The following DFFA variants were observed in gnomAD, a reference collection of about 807,000 sequenced individuals.
DFFA encodes DFF45.
A neutral mutation model predicts 28.0 loss-of-function variants in DFFA; 14 were observed. The observed-to-expected ratio is 0.50, with a 90% CI of 0.33 to 0.78. The LOEUF (loss-of-function observed/expected upper bound fraction) is 0.78. Ranked by LOEUF, DFFA falls within the 30% of genes least tolerant of loss-of-function variation. DFFA has a pLI of 0.02. For synonymous variants in DFFA, 158 were observed against 170.3 expected, an observed-to-expected ratio of 0.93 and a Z score of 0.56; for missense variants, 395 against 407.1, an observed-to-expected ratio of 0.97 and a Z score of 0.26.
chr1:10,461,871 T>C (rs1042535443), intron 5 of DFFA, 169 bp from the exon 6 acceptor site: 20 of 985,336 alleles, frequency 2.0e-5, no homozygotes, highest in Non-Finnish European at 2.4e-5. Flanking sequence ...TTTTTGTTTT[T>C]TGAGACGGAG....
intron 2 of DFFA, among the ~76,000 whole-genome samples, chr1:10,468,257 T>C (rs1158409030): frequency 6.6e-6 from 1 of 152,056 alleles, no homozygotes; most frequent in Non-Finnish European, 1.5e-5. Flanking sequence ...GTAACAATTA[T>C]TGAGTCCTTA....
rs34597195 is a variant in DFFA at position 10,466,952 on chromosome 1, C to CAAA, written c.441+235_441+237dup. The stretch of plus-strand genomic sequence containing the variant: ...TGGGCGACAGAGTAAGACTGTGTCT[C>CAAA]AAAAAAAAAAAAAAAAAAAAAAAAA... On this transcript the variant is annotated intron_variant, in intron 3 of 5. Transcript: ENST00000377038. Among the ~76,000 whole-genome samples, 104 of 32,730 alleles carry CAAA rather than the reference C, an allele frequency of 3.2e-3. 9 individuals are homozygous for CAAA. The highest frequency in any genetic ancestry group is 7.9e-3 in the African/African-American group (99 of 12,470). The allele number at this position is 32,730 out of a possible 152,430, so 21.5% of individuals were successfully genotyped here.
rs541804983 is a variant in DFFA, at chr1:10,459,279, G to C, written c.*2211C>G. On this transcript the variant is annotated 3_prime_UTR_variant, in exon 6 of 6. Coordinates refer to ENST00000377038, the MANE Select transcript of DFFA (RefSeq NM_004401.3). ...TGACTCATCACCTTTTCCCTGCAAG[G>C]AGTGTACTGTAGATTACCAAACCTG... is the stretch of plus-strand genomic sequence containing the variant. The C allele has an allele frequency of 3.9e-5, 6 of 152,226 alleles. No individual in the cohort carries two copies. Among genetic ancestry groups the C allele is most frequent in the Admixed American group, 3.3e-4 (5 of 15,268 alleles). The allele number at this position is 152,226 out of a possible 1,614,324, so 9.4% of individuals were successfully genotyped here.
chr1:10,457,621 T>C lies in DFFA; in HGVS notation c.*3869A>G, dbSNP rs1011064995. 1.3e-5 allele frequency: 2 copies of C among 152,132 alleles called. No individual in the cohort carries two copies. Among genetic ancestry groups the C allele is most frequent in the African/African-American group, 4.8e-5 (2 of 41,398 alleles). The allele number at this position is 152,132 out of a possible 1,614,324, so 9.4% of individuals were successfully genotyped here. ...TGAACCTGGGAGATGGAGGTTGCAG[T>C]GAGCAGAGATTGTGCCACTACACTC... is the stretch of plus-strand genomic sequence containing the variant. On this transcript the variant is annotated 3_prime_UTR_variant, in exon 6 of 6. Coordinates refer to ENST00000377038, the MANE Select transcript of DFFA (RefSeq NM_004401.3).
chr1:10,472,431 G>A lies in DFFA; in HGVS notation c.28C>T (p.Pro10Ser). MEVTGDAGV[P>S]ESGEIRTLKP... is the part of the protein sequence containing the mutation. Reference sequence around the variant, plus strand: ...AGAGTCCGGATCTCGCCAGATTCTGGTACCCCGGCGTCCCCGGTCACCTCC... The same window carrying A: ...AGAGTCCGGATCTCGCCAGATTCTGATACCCCGGCGTCCCCGGTCACCTCC... The change falls in exon 1 of 6, where the codon CCA (proline) becomes TCA (serine). Residue 10 changes from proline (P) to serine (S), a missense_variant. Coordinates refer to ENST00000377038, the MANE Select transcript of DFFA (RefSeq NM_004401.3). This position sits in a 1 kb window ranked among gnomAD's most constrained non-coding sequence, Gnocchi z 5.0. The A allele has an allele frequency of 6.2e-7, 1 of 1,611,310 alleles. No homozygotes were observed. Among genetic ancestry groups the A allele is most frequent in the South Asian group, 1.1e-5 (1 of 90,688 alleles).
chr1:10,469,899 CTCCGCCTCCCGGGTTCAAGCAACT>C (rs1218715565), intron 1 of DFFA, among the ~76,000 whole-genome samples: 1 of 149,940 alleles, frequency 6.7e-6, no homozygotes, highest in Admixed American at 6.7e-5. Flanking sequence ...TCACAGCAAC[CTCCGCCTCCCGGGTTCAAGCAACT>C]CTCTGCCTTA....
intron 2 of DFFA, 92 bp from the exon 3 acceptor site, chr1:10,467,424 G>T: frequency 7.2e-7 from 1 of 1,389,654 alleles, no homozygotes; most frequent in Non-Finnish European, 1.0e-6. Flanking sequence ...TGAGGATCTA[G>T]ATTAATTTCA....
In DFFA at chr1:10,472,291, C is replaced by G. The variant is rs1034920626; in HGVS notation, c.136+32G>C. On this transcript the variant is annotated intron_variant, in intron 1 of 5. Transcript: ENST00000377038. This position sits in a 1 kb window ranked among gnomAD's most constrained non-coding sequence, Gnocchi z 5.0. ...GGACGTCCTCACCCGGCCCTGGCTC[C>G]CCCACACCCTCGCCCGGGGTCCCGA... is the stretch of plus-strand genomic sequence containing the variant. 5.1e-6 allele frequency: 8 copies of G among 1,554,862 alleles called. No individual in the cohort carries two copies. Among genetic ancestry groups the G allele is most frequent in the African/African-American group, 1.4e-5 (1 of 72,858 alleles).
Position 10,472,188 on chromosome 1 carries a change from G to A in DFFA, c.136+135C>T, listed in dbSNP as rs1641107736. ...ATCTGTAAATCGCTATGCCCACTCGGACCGTTTCTGTCCCAAGCCTCCACC... is the reference window on the plus strand; with the variant it reads ...ATCTGTAAATCGCTATGCCCACTCGAACCGTTTCTGTCCCAAGCCTCCACC... On this transcript the variant is annotated intron_variant, in intron 1 of 5. Coordinates refer to ENST00000377038, the MANE Select transcript of DFFA (RefSeq NM_004401.3). The surrounding 1 kb of genome is among the most constrained non-coding windows in gnomAD (Gnocchi z 5.0). The A allele has an allele frequency of 8.9e-7, 1 of 1,120,330 alleles. No homozygotes were observed. The highest frequency in any genetic ancestry group is 2.9e-5 in the Admixed American group (1 of 34,356). 69.4% of individuals were successfully genotyped at this position (1,120,330 alleles called of 1,614,324 possible).
At chr1:10,462,041 G>T (rs1640950884) in intron 5 of DFFA, among the ~76,000 whole-genome samples, 1 of 152,090 alleles carries the variant, frequency 6.6e-6, no homozygotes, top group South Asian at 2.1e-4. Flanking sequence ...ATTTTTTTTA[G>T]TAGAGACGGG....
chr1:10,469,839 CTTTTT>C (rs35502618), intron 1 of DFFA, among the ~76,000 whole-genome samples: 3 of 139,422 alleles, frequency 2.2e-5, no homozygotes, highest in African/African-American at 8.0e-5. Context: ...TTCTTTCTTT[CTTTTT>C]TTTTTTTTTT....
chr1:10,469,826 C>T (rs536011452), intron 1 of DFFA, among the ~76,000 whole-genome samples: 13 of 131,058 alleles, frequency 9.9e-5, no homozygotes, highest in Non-Finnish European at 1.9e-4. Context: ...GCCCTAAGTG[C>T]TTTTCTTTCT....
chr1:10,466,698 C>T (rs555788275), intron 3 of DFFA, among the ~76,000 whole-genome samples: 3 of 151,704 alleles, frequency 2.0e-5, no homozygotes, highest in Admixed American at 6.6e-5. Context: ...CGGTGGCTCA[C>T]GCCTATAATC....
rs1641107055 is a variant in DFFA, at chr1:10,472,153, A to G, written c.136+170T>C. On this transcript the variant is annotated intron_variant, in intron 1 of 5. Coordinates refer to ENST00000377038, the MANE Select transcript of DFFA (RefSeq NM_004401.3). This position sits in a 1 kb window ranked among gnomAD's most constrained non-coding sequence, Gnocchi z 5.0. Reference sequence around the variant, plus strand: ...TCTCACACGAGATTAATTACGCTCAAGCGCCTTAAATCTGTAAATCGCTAT... The same window carrying G: ...TCTCACACGAGATTAATTACGCTCAGGCGCCTTAAATCTGTAAATCGCTAT... The G allele has an allele frequency of 2.8e-6, 2 of 724,188 alleles. No homozygotes were observed. The highest frequency in any genetic ancestry group is 4.1e-6 in the Non-Finnish European group (2 of 485,830). The allele number at this position is 724,188 out of a possible 1,614,324, so 44.9% of individuals were successfully genotyped here.
At chr1:10,461,935 A>G (rs1640948465) in intron 5 of DFFA, 1 of 855,898 alleles carries the variant, frequency 1.2e-6, no homozygotes, top group African/African-American at 1.8e-5. Flanking sequence ...GCTCCCTGCA[A>G]GCTCCGCCTC....
intron 5 of DFFA, 198 bp downstream of exon 5, chr1:10,462,860 G>C: frequency 7.1e-7 from 1 of 1,415,050 alleles, no homozygotes. Context: ...CTGAGGAAGT[G>C]TATGCATTTT....
At position 10,461,338 on chromosome 1, in the gene DFFA, G is replaced by A; in HGVS notation, c.*152C>T. The stretch of plus-strand genomic sequence containing the variant: ...TGGTGGGGCTAAAAAAAAAATTGGT[G>A]GAACGGCGTATGTTGAGACCTGGAA... On this transcript the variant is annotated 3_prime_UTR_variant, in exon 6 of 6. Coordinates refer to ENST00000377038, the MANE Select transcript of DFFA (RefSeq NM_004401.3). 3 of 1,351,790 alleles carry A rather than the reference G, an allele frequency of 2.2e-6. No individual in the cohort carries two copies. The highest frequency in any genetic ancestry group is 2.9e-5 in the Admixed American group (1 of 34,672). The allele number at this position is 1,351,790 out of a possible 1,614,324, so 83.7% of individuals were successfully genotyped here.
Position 10,461,642 on chromosome 1 carries a change from T to C in DFFA, c.844A>G (p.Thr282Ala). The change falls in exon 6 of 6, where the codon ACG (threonine) becomes GCG (alanine). Residue 282 changes from threonine to alanine, a missense_variant. Thr to Ala is a moderately conservative substitution (Grantham distance 58). Transcript: ENST00000377038. ...TCACAGGCCTCCTGAACAGTCTCCGTCTTCTTTATGTCCCAGTTCAAGGCA... is the reference window on the plus strand; with the variant it reads ...TCACAGGCCTCCTGAACAGTCTCCGCCTTCTTTATGTCCCAGTTCAAGGCA... ...AVALNWDIKK[T>A]ETVQEACERE... The C allele has an allele frequency of 6.2e-7, 1 of 1,614,224 alleles. No individual in the cohort carries two copies. Among genetic ancestry groups the C allele is most frequent in the Non-Finnish European group, 8.5e-7 (1 of 1,180,042 alleles).
chr1:10,467,110 A>G, intron 3 of DFFA, 80 bp downstream of exon 3: 2 of 1,506,080 alleles, frequency 1.3e-6, no homozygotes, highest in Non-Finnish European at 1.8e-6. Flanking sequence ...TTGCTATGGC[A>G]AGTATGGAAG....
Sources: gnomAD v4.1 joint callset for allele counts (sites outside exome capture counted in the v4.1 genomes callset) on GRCh38, gnomAD v4.1.1 for gene constraint, Gnocchi (gnomAD v3.1) non-coding constraint, MANE v1.5 for transcripts, NCBI Gene and HGNC (gene_info 2026-07-23, HGNC 2026-07-21) for gene names.